Variants in MACROD2 observed in about 807,000 individuals in gnomAD.
MACROD2 encodes the protein ADP-ribose glycohydrolase MACROD2.
MACROD2 carries 36 observed loss-of-function variants against 70.4 expected under a neutral mutation model. The ratio of observed to expected loss-of-function variants is 0.51; its 90% CI spans 0.39 to 0.68. The LOEUF is 0.68. MACROD2 is among the 30% of genes least tolerant of loss of function. MACROD2 has a pLI of 0.00. For missense variants in MACROD2, 496 were observed against 538.4 expected (o/e 0.92, Z 0.78); for synonymous variants, 172 against 178.8 (o/e 0.96, Z 0.30).
At position 15,973,097 on chromosome 20, in the gene MACROD2, C is replaced by T. The variant is rs548233368; in HGVS notation, c.985+5467C>T. Among the ~76,000 whole-genome samples, 8 of 151,980 alleles carry T rather than the reference C, an allele frequency of 5.3e-5. No individual in the cohort carries two copies. In the South Asian group the frequency reaches 6.2e-4, roughly 12 times the overall value. On this transcript the variant is annotated intron_variant, in intron 13 of 17. Coordinates refer to ENST00000684519, the MANE Select transcript of MACROD2 (RefSeq NM_001351661.2). Reference sequence around the variant, plus strand: ...TTGGTGATTGGAGAGGAGATACTGCCGGGAGGGGGCCATGAGAGGGCTGCC... The same window carrying T: ...TTGGTGATTGGAGAGGAGATACTGCTGGGAGGGGGCCATGAGAGGGCTGCC...
chr20:14,480,942 A>G (rs537202622), intron 3 of MACROD2, among the ~76,000 whole-genome samples: 1 of 152,300 alleles, frequency 6.6e-6, no homozygotes, highest in Admixed American at 6.5e-5. Flanking sequence ...GAAGCCAACT[A>G]CAATTTGAAA....
intron 6 of MACROD2, among the ~76,000 whole-genome samples, chr20:15,384,759 G>T (rs2045690264): frequency 6.6e-6 from 1 of 151,936 alleles, no homozygotes; most frequent in African/African-American, 2.4e-5. Flanking sequence ...AATTATTTTG[G>T]CTTGTATGTG....
intron 5 of MACROD2, among the ~76,000 whole-genome samples, chr20:15,087,184 T>TC (rs1448141544): frequency 6.6e-6 from 1 of 152,072 alleles, no homozygotes; most frequent in Non-Finnish European, 1.5e-5. Flanking sequence ...TGTATAGCTA[T>TC]CGGGACTCTA....
At chr20:14,259,670 G>A (rs559867458) in intron 3 of MACROD2, among the ~76,000 whole-genome samples, 8 of 152,342 alleles carry the variant, frequency 5.3e-5, no homozygotes, top group South Asian at 2.1e-4. Flanking sequence ...TTTCTTCAGG[G>A]AGCTGCTGGC....
At chr20:14,882,138 T>G (rs767540319) in intron 5 of MACROD2, among the ~76,000 whole-genome samples, 1 of 152,166 alleles carries the variant, frequency 6.6e-6, no homozygotes, top group Non-Finnish European at 1.5e-5. Context: ...CCACAAATTT[T>G]GAGATTCTGC....
At chr20:15,871,040 G>T (rs533888422) in intron 9 of MACROD2, among the ~76,000 whole-genome samples, 52 of 151,832 alleles carry the variant, frequency 3.4e-4, no homozygotes, top group Non-Finnish European at 7.1e-4. Context: ...GCCAGGCGTG[G>T]TGATAGGCGC....
chr20:15,959,857 A>G (rs1009579061), intron 12 of MACROD2, among the ~76,000 whole-genome samples: 4 of 134,856 alleles, frequency 3.0e-5, no homozygotes, highest in African/African-American at 1.0e-4. Context: ...ACTATTTGTA[A>G]AAAAAAACAC....
chr20:15,910,559 A>G (rs1351531917), intron 10 of MACROD2, among the ~76,000 whole-genome samples: 3 of 152,190 alleles, frequency 2.0e-5, no homozygotes, highest in Admixed American at 6.5e-5. Flanking sequence ...GGAGTTGTCT[A>G]TGAAGCTCTC....
At chr20:14,487,669 C>T (rs1437955819) in intron 3 of MACROD2, among the ~76,000 whole-genome samples, 1 of 152,132 alleles carries the variant, frequency 6.6e-6, no homozygotes, top group East Asian at 1.9e-4. Flanking sequence ...AGGAATCATG[C>T]ATTGTACCAT....
chr20:15,016,404 G>A (rs2075121591), intron 5 of MACROD2, among the ~76,000 whole-genome samples: 1 of 152,066 alleles, frequency 6.6e-6, no homozygotes, highest in African/African-American at 2.4e-5. Context: ...ATCCTGATAT[G>A]GTTTGGATGT....
intron 5 of MACROD2, among the ~76,000 whole-genome samples, chr20:14,955,684 ACT>A (rs1387430133): frequency 6.6e-6 from 1 of 151,902 alleles, no homozygotes. Flanking sequence ...GTAGTTTCTA[ACT>A]CTGCGACCAG....
intron 3 of MACROD2, among the ~76,000 whole-genome samples, chr20:14,242,003 A>G (rs2081933657): frequency 6.6e-6 from 1 of 152,138 alleles, no homozygotes; most frequent in Non-Finnish European, 1.5e-5. Flanking sequence ...AACCTCAGTC[A>G]TTTGTATTAT....
chr20:14,168,726 C>T (rs540169355), intron 3 of MACROD2, among the ~76,000 whole-genome samples: 2 of 152,058 alleles, frequency 1.3e-5, no homozygotes, highest in East Asian at 3.9e-4. Flanking sequence ...ACTTATCTTT[C>T]CCCCTTGCCT....
intron 3 of MACROD2, among the ~76,000 whole-genome samples, chr20:14,156,930 CAG>C (rs1161156337): frequency 2.0e-5 from 3 of 152,174 alleles, no homozygotes; most frequent in Non-Finnish European, 2.9e-5. Context: ...TTGAATTCTA[CAG>C]AGTTTGATAT....
At chr20:14,024,295 A>T in intron 2 of MACROD2, among the ~76,000 whole-genome samples, 1 of 152,206 alleles carries the variant, frequency 6.6e-6, no homozygotes, top group Non-Finnish European at 1.5e-5. Context: ...GGGGGCTGAG[A>T]TGATGGGGTT....
intron 3 of MACROD2, among the ~76,000 whole-genome samples, chr20:14,263,121 G>A (rs73901222): frequency 0.017 from 2,588 of 152,178 alleles, 72 homozygotes; most frequent in African/African-American, 0.057. Flanking sequence ...CGTTAGGAAT[G>A]CACCTTTTTT....
chr20:15,337,499 A>C (rs1285204601), intron 6 of MACROD2, among the ~76,000 whole-genome samples: 1 of 151,804 alleles, frequency 6.6e-6, no homozygotes, highest in East Asian at 1.9e-4. Flanking sequence ...ATTGACTAAT[A>C]AAAATTACAT....
chr20:15,061,783 T>C lies in MACROD2; in HGVS notation c.419-168157T>C, dbSNP rs117872427. On this transcript the variant is annotated intron_variant, in intron 5 of 17. Transcript: ENST00000684519. ...TAAAGTGTACTATGATACTAAATTA[T>C]AGATTTCCCTGGAAGCCTCCAAATG... Among the ~76,000 whole-genome samples, 1,456 of 152,310 alleles carry C rather than the reference T, an allele frequency of 9.6e-3. 16 individuals are homozygous for C. The highest frequency in any genetic ancestry group is 0.015 in the Non-Finnish European group (1,000 of 68,026).
intron 3 of MACROD2, among the ~76,000 whole-genome samples, chr20:14,222,810 T>A (rs2081689143): frequency 9.7e-6 from 1 of 102,696 alleles, no homozygotes; most frequent in African/African-American, 3.9e-5. Flanking sequence ...CCTTTGGATT[T>A]CTGAAAAAAA....
Sources: gnomAD v4.1 joint callset for allele counts (sites outside exome capture counted in the v4.1 genomes callset) on GRCh38, gnomAD v4.1.1 for gene constraint, MANE v1.5 for transcripts, NCBI Gene and HGNC (gene_info 2026-07-23, HGNC 2026-07-21) for gene names.